The following RAPGEF4 variants were observed in gnomAD, a reference collection of about 807,000 sequenced individuals.
RAPGEF4 encodes the protein Rap guanine nucleotide exchange factor 4.
A neutral mutation model predicts 147.9 loss-of-function variants in RAPGEF4; 66 were observed. The ratio of observed to expected loss-of-function variants is 0.45; its 90% CI spans 0.37 to 0.55. The LOEUF (loss-of-function observed/expected upper bound fraction) is 0.55, where lower values mean the gene tolerates loss of function less well. Among genes scored for constraint, RAPGEF4 ranks in the 20% least tolerant of loss-of-function variants. RAPGEF4 has a pLI of 0.00. For missense variants in RAPGEF4, 1,071 were observed against 1,257.3 expected, an observed-to-expected ratio of 0.85 and a Z score of 2.24; for synonymous variants, 419 against 442.7, an observed-to-expected ratio of 0.95 and a Z score of 0.67.
Position 172,967,351 on chromosome 2 carries a change from A to G in RAPGEF4, c.911A>G (p.Glu304Gly), listed in dbSNP as rs749868655. ...HEDAPLPTEE[E>G]KKECDEELQD... ...GATGCCCCTTTGCCTACTGAGGAGG[A>G]GAAGAAGGAGTGTGATGAGGAGCTC... is the stretch of plus-strand genomic sequence containing the variant. The change falls in exon 10 of 31, where the codon GAG becomes GGG. Residue 304 changes from glutamate to glycine, a missense_variant. Coordinates refer to ENST00000397081, the MANE Select transcript of RAPGEF4 (RefSeq NM_007023.4). 6.2e-6 allele frequency: 10 copies of G among 1,612,070 alleles called. No individual in the cohort carries two copies. Among genetic ancestry groups the G allele is most frequent in the Admixed American group, 3.3e-5 (2 of 59,990 alleles).
intron 1 of RAPGEF4, among the ~76,000 whole-genome samples, chr2:172,771,511 ATTG>A (rs1164725098): frequency 1.3e-5 from 2 of 152,018 alleles, no homozygotes. Flanking sequence ...TATTTGAGAG[ATTG>A]TAATTGTGAT....
At position 172,736,016 on chromosome 2, in the gene RAPGEF4, C is replaced by T. The variant is rs930209452; in HGVS notation, c.33C>T (p.Ser11=). The part of the protein sequence containing the change: MVAAHAAHSS[S]SAEWIACLDK... ...CTGCGCACGCTGCCCATTCTTCCTC[C>T]TCTGCCGAGTGGATCGCCTGCCTGG... The change falls in exon 1 of 31, where the codon TCC becomes TCT. Residue 11 remains serine (S), a synonymous_variant. Transcript: ENST00000397081. 5 of 1,479,382 alleles carry T rather than the reference C, an allele frequency of 3.4e-6. No homozygotes were observed. The highest frequency in any genetic ancestry group is 1.3e-5 in the South Asian group (1 of 78,522). The allele number at this position is 1,479,382 out of a possible 1,614,324, so 91.6% of individuals were successfully genotyped here. A position where few individuals can be genotyped will look rare whatever the true frequency, so the allele number is the denominator to read the frequency against.
chr2:173,029,734 C>T (rs1483245864), intron 25 of RAPGEF4, among the ~76,000 whole-genome samples: 4 of 152,204 alleles, frequency 2.6e-5, no homozygotes, highest in African/African-American at 7.2e-5. Flanking sequence ...GTGGCTGCAG[C>T]TGTGAGACTC....
intron 4 of RAPGEF4, among the ~76,000 whole-genome samples, chr2:172,861,210 A>G (rs1322712033): frequency 6.6e-6 from 1 of 152,242 alleles, no homozygotes; most frequent in Non-Finnish European, 1.5e-5. Context: ...TGCATGGGCA[A>G]GAGCGAAGCA....
intron 1 of RAPGEF4, among the ~76,000 whole-genome samples, chr2:172,767,114 A>T (rs1427375899): frequency 6.6e-6 from 1 of 152,142 alleles, no homozygotes; most frequent in Non-Finnish European, 1.5e-5. Flanking sequence ...AGATACAATA[A>T]GGTTTGGGTT....
chr2:172,790,733 T>A (rs749638183), intron 1 of RAPGEF4, among the ~76,000 whole-genome samples: 3 of 152,210 alleles, frequency 2.0e-5, no homozygotes, highest in Non-Finnish European at 2.9e-5. Flanking sequence ...CTGTTCAGAT[T>A]CATGTCTCAA....
intron 4 of RAPGEF4, among the ~76,000 whole-genome samples, chr2:172,836,484 C>T (rs1161478716): frequency 6.6e-6 from 1 of 152,216 alleles, no homozygotes; most frequent in East Asian, 1.9e-4. Flanking sequence ...TGATTAAACA[C>T]GCTCTGTTTG....
intron 4 of RAPGEF4, among the ~76,000 whole-genome samples, chr2:172,887,976 T>C (rs1031990188): frequency 6.6e-6 from 1 of 152,184 alleles, no homozygotes; most frequent in Non-Finnish European, 1.5e-5. Context: ...GTTATTAGTA[T>C]CATAATTCAC....
At chr2:172,930,075 G>C (rs911824995) in intron 6 of RAPGEF4, among the ~76,000 whole-genome samples, 1 of 152,140 alleles carries the variant, frequency 6.6e-6, no homozygotes, top group African/African-American at 2.4e-5. Flanking sequence ...TTCTTGTTAA[G>C]AAGAAGGGAA....
In RAPGEF4 at chr2:172,774,835, T is replaced by C. The variant is rs966456422; in HGVS notation, c.66-20190T>C. 2.0e-5 allele frequency among the ~76,000 whole-genome samples: 3 copies of C among 152,350 alleles called. No individual in the cohort carries two copies. In the East Asian group the frequency reaches 5.8e-4, roughly 29 times the overall value. On this transcript the variant is annotated intron_variant, in intron 1 of 30. Transcript: ENST00000397081. ...CTTGTAATTCTCAAATAACTTTTCA[T>C]TGTGCTTGTACATGCTAGACATGTA...
intron 1 of RAPGEF4, among the ~76,000 whole-genome samples, chr2:172,784,073 C>A (rs926615395): frequency 6.6e-6 from 1 of 152,164 alleles, no homozygotes; most frequent in African/African-American, 2.4e-5. Flanking sequence ...GTGCTACTTA[C>A]CACATTTCAC....
chr2:172,993,870 T>A, intron 15 of RAPGEF4, among the ~76,000 whole-genome samples: 1 of 152,094 alleles, frequency 6.6e-6, no homozygotes, highest in East Asian at 1.9e-4. Context: ...CGAGAGGAAG[T>A]CTTTGGTAGC....
chr2:173,049,816 A>G (rs1158310097), intron 30 of RAPGEF4, among the ~76,000 whole-genome samples: 1 of 152,226 alleles, frequency 6.6e-6, no homozygotes, highest in Non-Finnish European at 1.5e-5. Flanking sequence ...ATGTGTTTTC[A>G]TCTATTAATT....
At chr2:172,982,148 A>C (rs1337737685) in intron 10 of RAPGEF4, among the ~76,000 whole-genome samples, 1 of 152,202 alleles carries the variant, frequency 6.6e-6, no homozygotes, top group Non-Finnish European at 1.5e-5. Flanking sequence ...CGCTAAATCT[A>C]GCGCTGTGTT....
chr2:173,018,918 T>TTA, intron 22 of RAPGEF4, 116 bp downstream of exon 22: 5 of 1,130,256 alleles, frequency 4.4e-6, no homozygotes, highest in Non-Finnish European at 6.3e-6. Flanking sequence ...GAACTGGTGC[T>TTA]TATGTATGCT....
intron 4 of RAPGEF4, among the ~76,000 whole-genome samples, chr2:172,909,914 C>G (rs1699941108): frequency 6.6e-6 from 1 of 152,156 alleles, no homozygotes; most frequent in Non-Finnish European, 1.5e-5. Flanking sequence ...ATCCCTCTAC[C>G]TCAGGAGGAT....
intron 4 of RAPGEF4, among the ~76,000 whole-genome samples, chr2:172,849,006 A>T (rs971330565): frequency 2.6e-5 from 4 of 152,142 alleles, no homozygotes; most frequent in Admixed American, 2.6e-4. Flanking sequence ...AACCATCTAT[A>T]GCAGAGGGCT....
chr2:172,787,244 A>G (rs1685303026), intron 1 of RAPGEF4, among the ~76,000 whole-genome samples: 1 of 152,102 alleles, frequency 6.6e-6, no homozygotes, highest in South Asian at 2.1e-4. Context: ...TAAAAACCCT[A>G]TTCCTTTTAA....
intron 4 of RAPGEF4, among the ~76,000 whole-genome samples, chr2:172,868,590 G>T (rs1694882848): frequency 6.6e-6 from 1 of 152,132 alleles, no homozygotes; most frequent in South Asian, 2.1e-4. Context: ...TATGTCTCTT[G>T]CAGATAAATT....
Sources: gnomAD v4.1 joint callset for allele counts (sites outside exome capture counted in the v4.1 genomes callset) on GRCh38, gnomAD v4.1.1 for gene constraint, MANE v1.5 for transcripts, NCBI Gene and HGNC (gene_info 2026-07-23, HGNC 2026-07-21) for gene names.